Variants in SLC1A2 observed in about 807,000 individuals in gnomAD.
SLC1A2 encodes the protein excitatory amino acid transporter 2.
In SLC1A2, 15 loss-of-function variants were observed where a neutral mutation model predicts 48.8. The observed-to-expected ratio is 0.31, with a 90% CI of 0.21 to 0.47. The LOEUF (loss-of-function observed/expected upper bound fraction) is 0.47. SLC1A2 is among the 20% of genes least tolerant of loss of function. The pLI is 0.99. For synonymous variants in SLC1A2, 279 were observed against 272.6 expected (o/e 1.02, Z -0.23); for missense variants, 502 against 730.5 (o/e 0.69, Z 3.61).
rs1259426129 is a variant in SLC1A2 at position 35,253,781 on chromosome 11, T to G, written c.*7113A>C. On this transcript the variant is annotated 3_prime_UTR_variant, in exon 11 of 11. Transcript: ENST00000278379. ...CTTGTGCTCTAATTAGTTATAATTC[T>G]ACATGTGTGGTTACATAGAAAATAC... 1 of 152,642 alleles carries G rather than the reference T, an allele frequency of 6.6e-6. No individual in the cohort carries two copies. Among genetic ancestry groups the G allele is most frequent in the Non-Finnish European group, 1.5e-5 (1 of 68,036 alleles). The allele number at this position is 152,642 out of a possible 1,614,324, so 9.5% of individuals were successfully genotyped here.
intron 1 of SLC1A2, 103 bp downstream of exon 1, chr11:35,418,847 C>T: frequency 1.9e-6 from 2 of 1,073,602 alleles, no homozygotes; most frequent in African/African-American, 1.6e-5. Context: ...CCACCACCTC[C>T]GAGGCCCGCC....
At chr11:35,375,582 C>T (rs1854199514) in intron 1 of SLC1A2, among the ~76,000 whole-genome samples, 1 of 152,196 alleles carries the variant, frequency 6.6e-6, no homozygotes, top group South Asian at 2.1e-4. Flanking sequence ...AGCATCCAAG[C>T]TTTGGGCCCT....
At chr11:35,338,806 CA>C (rs1398327388) in intron 1 of SLC1A2, among the ~76,000 whole-genome samples, 1 of 152,188 alleles carries the variant, frequency 6.6e-6, no homozygotes, top group Non-Finnish European at 1.5e-5. Flanking sequence ...GCAACTAAAA[CA>C]AAACAGTCCT....
intron 9 of SLC1A2, among the ~76,000 whole-genome samples, chr11:35,269,220 C>G (rs1283072255): frequency 6.6e-6 from 1 of 152,184 alleles, no homozygotes; most frequent in Non-Finnish European, 1.5e-5. Flanking sequence ...CACAGAATCT[C>G]CCAGTGCCTT....
rs1487084948 is a variant in SLC1A2, at chr11:35,252,332, C to G, written c.*8562G>C. On this transcript the variant is annotated 3_prime_UTR_variant, in exon 11 of 11. Coordinates refer to ENST00000278379, the MANE Select transcript of SLC1A2 (RefSeq NM_004171.4). ...CTGACCTTTCTCTAAAGACATGATG[C>G]TAATATGCACAGAGTCAGACTAACT... The G allele has an allele frequency of 6.6e-6, 1 of 152,226 alleles. No homozygotes were observed. The highest frequency in any genetic ancestry group is 1.5e-5 in the Non-Finnish European group (1 of 68,014). 9.4% of individuals were successfully genotyped at this position (152,226 alleles called of 1,614,324 possible). A position where few individuals can be genotyped will look rare whatever the true frequency, so the allele number is the denominator to read the frequency against.
In SLC1A2 at chr11:35,357,068, C is replaced by T. The variant is rs186475133; in HGVS notation, c.18-39552G>A. ...CATCCTATCTAACATGGTAAAACCC[C>T]GTCTCTGTTAAAACTACAAAAGAAA... On this transcript the variant is annotated intron_variant, in intron 1 of 10. Coordinates refer to ENST00000278379, the MANE Select transcript of SLC1A2 (RefSeq NM_004171.4). Among the ~76,000 whole-genome samples, 298 of 151,820 alleles carry T rather than the reference C, an allele frequency of 2.0e-3. 1 individual carries two copies. Among genetic ancestry groups the T allele is most frequent in the Non-Finnish European group, 3.3e-3 (223 of 67,930 alleles).
At chr11:35,274,904 C>T (rs550502321) in intron 9 of SLC1A2, among the ~76,000 whole-genome samples, 49 of 152,272 alleles carry the variant, frequency 3.2e-4, no homozygotes, top group African/African-American at 1.1e-3. Context: ...TGAAAGGATG[C>T]ATCAACTGTC....
At chr11:35,382,003 C>T (rs1229571924) in intron 1 of SLC1A2, among the ~76,000 whole-genome samples, 1 of 152,190 alleles carries the variant, frequency 6.6e-6, no homozygotes, top group Non-Finnish European at 1.5e-5. Context: ...TCTGTACTTA[C>T]ATGATTGGTT....
At position 35,347,556 on chromosome 11, in the gene SLC1A2, T is replaced by G. The variant is rs191341696; in HGVS notation, c.18-30040A>C. Among the ~76,000 whole-genome samples, 84 of 152,362 alleles carry G rather than the reference T, an allele frequency of 5.5e-4. 1 individual carries two copies. Among genetic ancestry groups the G allele is most frequent in the African/African-American group, 1.8e-3 (75 of 41,594 alleles). ...AATGAGTTCTATGATTAATTAGCAG[T>G]ATCTGCCGTGGACACAAAATTAAGA... On this transcript the variant is annotated intron_variant, in intron 1 of 10. Coordinates refer to ENST00000278379, the MANE Select transcript of SLC1A2 (RefSeq NM_004171.4).
At chr11:35,386,575 A>C (rs1022409993) in intron 1 of SLC1A2, among the ~76,000 whole-genome samples, 1 of 152,238 alleles carries the variant, frequency 6.6e-6, no homozygotes, top group African/African-American at 2.4e-5. Flanking sequence ...GAAAATTCAA[A>C]AAACCCATCA....
chr11:35,313,607 G>A (rs975619662), intron 3 of SLC1A2, among the ~76,000 whole-genome samples: 2 of 152,156 alleles, frequency 1.3e-5, no homozygotes, highest in Admixed American at 1.3e-4. Context: ...GCTGACCTAC[G>A]TGTGACCTAC....
chr11:35,290,762 G>C (rs1001492968), intron 7 of SLC1A2, among the ~76,000 whole-genome samples: 7 of 150,800 alleles, frequency 4.6e-5, no homozygotes, highest in Non-Finnish European at 1.0e-4. Flanking sequence ...TGTATGGATA[G>C]AGATACTTAG....
intron 1 of SLC1A2, among the ~76,000 whole-genome samples, chr11:35,390,382 C>A (rs372666844): frequency 6.6e-6 from 1 of 152,160 alleles, no homozygotes; most frequent in Non-Finnish European, 1.5e-5. Context: ...TATTCTCCTC[C>A]ATTTCATTTT....
intron 5 of SLC1A2, among the ~76,000 whole-genome samples, chr11:35,304,127 C>T (rs139944300): frequency 2.3e-4 from 35 of 152,194 alleles, no homozygotes; most frequent in Non-Finnish European, 4.4e-4. Flanking sequence ...GGTGTTGCAT[C>T]TGAACAAAAC....
At chr11:35,367,670 T>C (rs1224915201) in intron 1 of SLC1A2, among the ~76,000 whole-genome samples, 1 of 152,228 alleles carries the variant, frequency 6.6e-6, no homozygotes, top group Non-Finnish European at 1.5e-5. Flanking sequence ...ATGATCCACG[T>C]GCTACCATCA....
chr11:35,406,952 G>A (rs1452887651), intron 1 of SLC1A2, among the ~76,000 whole-genome samples: 1 of 152,184 alleles, frequency 6.6e-6, no homozygotes, highest in African/African-American at 2.4e-5. Context: ...CAGAGCCCAA[G>A]AGGAGATTGG....
intron 3 of SLC1A2, 147 bp downstream of exon 3, chr11:35,314,876 T>C (rs775707665): frequency 2.1e-4 from 115 of 535,044 alleles, no homozygotes; most frequent in Non-Finnish European, 3.7e-4. Flanking sequence ...TTGATTATCC[T>C]CATTTCAGAG....
intron 1 of SLC1A2, among the ~76,000 whole-genome samples, chr11:35,335,890 A>T (rs1210900186): frequency 6.6e-6 from 1 of 152,248 alleles, no homozygotes; most frequent in Non-Finnish European, 1.5e-5. Flanking sequence ...AATGTTGTTA[A>T]AAATCTGATC....
chr11:35,402,508 C>A (rs1855166217), intron 1 of SLC1A2, among the ~76,000 whole-genome samples: 1 of 152,106 alleles, frequency 6.6e-6, no homozygotes, highest in Non-Finnish European at 1.5e-5. Context: ...TGAGTTGTAT[C>A]CTTTATAATA....
Sources: allele counts gnomAD v4.1 joint callset (sites outside exome capture counted in the v4.1 genomes callset), GRCh38; gene constraint gnomAD v4.1.1; transcripts MANE v1.5; gene names NCBI Gene and HGNC (gene_info 2026-07-23, HGNC 2026-07-21).